TULP4: variants seen among roughly 807,000 people sequenced by gnomAD.
The protein encoded by TULP4 is TUB like protein 4.
Under a neutral mutation model 129.0 loss-of-function variants are expected in TULP4, and 16 were observed. That is an observed-to-expected ratio of 0.12 (90% CI 0.08 to 0.19). The LOEUF is 0.19. Ranked by LOEUF, TULP4 falls within the 10% of genes least tolerant of loss-of-function variation. TULP4 has a pLI of 1.00. For synonymous variants in TULP4, 998 were observed against 854.0 expected (o/e 1.17, Z -2.94); for missense variants, 1,842 against 2,059.1 (o/e 0.89, Z 2.04).
rs562882638 is a variant in TULP4, at chr6:158,503,031, A to G, written c.3368A>G (p.Gln1123Arg). ...ACCCTGAAACGGCCACCCCCTTACCAGTGGGACCCCATGCTGGGTGAGGAT... is the reference window on the plus strand; with the variant it reads ...ACCCTGAAACGGCCACCCCCTTACCGGTGGGACCCCATGCTGGGTGAGGAT... ...AVTLKRPPPYQWDPMLGEDVW... is the reference protein window; with the variant it reads ...AVTLKRPPPYRWDPMLGEDVW... The change falls in exon 13 of 14, where the codon CAG becomes CGG. Residue 1123 changes from glutamine to arginine, a missense_variant. By Grantham distance (43) the Gln-to-Arg change is conservative. Around this residue, in one of 5 missense-constraint regions of TULP4, gnomAD observed 1,089 missense variants for 987.1 expected, o/e 1.10. Coordinates refer to ENST00000367097, the MANE Select transcript of TULP4 (RefSeq NM_020245.5). This position sits in a 1 kb window ranked among gnomAD's most constrained non-coding sequence, Gnocchi z 4.3. 7.4e-6 allele frequency: 12 copies of G among 1,614,082 alleles called. No homozygotes were observed. In the South Asian group the frequency reaches 9.9e-5, roughly 13 times the overall value.
intron 1 of TULP4, among the ~76,000 whole-genome samples, chr6:158,253,685 TG>T (rs1778188246): frequency 6.6e-6 from 1 of 152,098 alleles, no homozygotes; most frequent in Non-Finnish European, 1.5e-5. Context: ...ACACTTTTTT[TG>T]ATTTTCTTAA....
intron 1 of TULP4, among the ~76,000 whole-genome samples, chr6:158,294,382 A>T (rs139749434): frequency 0.032 from 4,840 of 151,740 alleles, 98 homozygotes; most frequent in Non-Finnish European, 0.041. Context: ...AATAAAAAAA[A>T]AAATAAATAA....
At chr6:158,415,335 G>A (rs1481429407) in intron 2 of TULP4, among the ~76,000 whole-genome samples, 1 of 87,588 alleles carries the variant, frequency 1.1e-5, no homozygotes, top group African/African-American at 3.0e-5. Context: ...TATTATTTTA[G>A]ATAGAGTGTG....
intron 1 of TULP4, among the ~76,000 whole-genome samples, chr6:158,289,157 T>G (rs1408701251): frequency 1.3e-5 from 2 of 152,230 alleles, no homozygotes; most frequent in Non-Finnish European, 2.9e-5. Context: ...AAATTGTGTT[T>G]CTTAGGAATT....
intron 1 of TULP4, among the ~76,000 whole-genome samples, chr6:158,325,631 G>GTGAGCCA (rs1779729837): frequency 6.6e-6 from 1 of 152,118 alleles, no homozygotes. Flanking sequence ...GGGTTCAGGC[G>GTGAGCCA]TGAGCCACCG....
intron 1 of TULP4, among the ~76,000 whole-genome samples, chr6:158,240,759 C>G (rs1411191488): frequency 7.2e-6 from 1 of 139,594 alleles, no homozygotes; most frequent in African/African-American, 2.5e-5. Flanking sequence ...GACCCCCCCA[C>G]CTCCCTCCCG....
rs766437667 is a variant in TULP4 at position 158,502,589 on chromosome 6, C to A, written c.2926C>A (p.Gln976Lys). The A allele has an allele frequency of 5.6e-6, 9 of 1,602,276 alleles. 2 individuals carry two copies. The South Asian group carries it at 8.8e-5, about 16-fold the overall frequency. The change falls in exon 13 of 14, where the codon CAG (glutamine) becomes AAG (lysine). Residue 976 changes from glutamine to lysine, a missense_variant. By Grantham distance (53) the Gln-to-Lys change is moderately conservative (BLOSUM62 1). This residue lies in a region of TULP4 where 1,089 missense variants were observed against 987.1 expected (regional missense o/e 1.10). Transcript: ENST00000367097. ...GCTGGCCCAGGGGCGGGGGGCTGCCCAGAGGTCCGACAATAGCCTCATCCA... is the reference window on the plus strand; with the variant it reads ...GCTGGCCCAGGGGCGGGGGGCTGCCAAGAGGTCCGACAATAGCCTCATCCA... ...SQLAQGRGAAQRSDNSLIHAT... is the reference protein window; with the variant it reads ...SQLAQGRGAAKRSDNSLIHAT...
At chr6:158,262,734 G>A (rs1161839118) in intron 1 of TULP4, among the ~76,000 whole-genome samples, 1 of 152,180 alleles carries the variant, frequency 6.6e-6, no homozygotes, top group Admixed American at 6.5e-5. Context: ...AGTGGCAGGT[G>A]CAGAAGAAGA....
At chr6:158,258,392 A>G (rs904235852) in intron 1 of TULP4, among the ~76,000 whole-genome samples, 2 of 152,152 alleles carry the variant, frequency 1.3e-5, no homozygotes, top group African/African-American at 4.8e-5. Context: ...TGCCAGCCCC[A>G]TGTTTTTCAT....
intron 1 of TULP4, among the ~76,000 whole-genome samples, chr6:158,354,062 C>A (rs1269414947): frequency 6.6e-6 from 1 of 152,178 alleles, no homozygotes; most frequent in African/African-American, 2.4e-5. Context: ...CACCTGAAGG[C>A]CCATCAGGAT....
chr6:158,452,656 C>T (rs1406408752), intron 5 of TULP4, among the ~76,000 whole-genome samples: 9 of 152,192 alleles, frequency 5.9e-5, no homozygotes, highest in Non-Finnish European at 1.3e-4. Context: ...ACACAGAAGC[C>T]CCTGTAATTT....
chr6:158,265,089 G>A (rs1778424684), intron 1 of TULP4, among the ~76,000 whole-genome samples: 1 of 152,148 alleles, frequency 6.6e-6, no homozygotes, highest in Non-Finnish European at 1.5e-5. Flanking sequence ...TTCTTTACCA[G>A]CACTGTCACC....
intron 1 of TULP4, among the ~76,000 whole-genome samples, chr6:158,412,310 C>T (rs1288252353): frequency 4.6e-5 from 7 of 152,132 alleles, no homozygotes; most frequent in Admixed American, 1.3e-4. Flanking sequence ...TCATGGTGTC[C>T]GGGGACCATT....
intron 1 of TULP4, among the ~76,000 whole-genome samples, chr6:158,412,473 TATACTC>T (rs1247049852): frequency 6.6e-6 from 1 of 152,240 alleles, no homozygotes; most frequent in African/African-American, 2.4e-5. Flanking sequence ...ACAAAGTTCT[TATACTC>T]AGAAAATTTG....
upstream of TULP4, among the ~76,000 whole-genome samples, chr6:158,309,756 C>T (rs1026730588): frequency 6.6e-5 from 10 of 152,046 alleles, no homozygotes; most frequent in Non-Finnish European, 1.0e-4. Context: ...TCAGGCGTGG[C>T]GGCGCGCCTG....
chr6:158,447,841 A>C (rs1213176169), intron 3 of TULP4, among the ~76,000 whole-genome samples: 1 of 152,214 alleles, frequency 6.6e-6, no homozygotes, highest in African/African-American at 2.4e-5. Context: ...GTGTTTGTAA[A>C]TTGGAGATAA....
At chr6:158,382,532 A>G (rs367798064) in intron 1 of TULP4, among the ~76,000 whole-genome samples, 1 of 152,210 alleles carries the variant, frequency 6.6e-6, no homozygotes, top group Non-Finnish European at 1.5e-5. Flanking sequence ...TTTGGAGTCC[A>G]GCAGACTGGG....
chr6:158,347,004 T>C (rs1780328428), intron 1 of TULP4, among the ~76,000 whole-genome samples: 1 of 152,232 alleles, frequency 6.6e-6, no homozygotes, highest in African/African-American at 2.4e-5. Flanking sequence ...GAGGGTTTTT[T>C]CCCTGGCAAA....
At chr6:158,370,827 G>T (rs1777055028) in intron 1 of TULP4, among the ~76,000 whole-genome samples, 1 of 152,226 alleles carries the variant, frequency 6.6e-6, no homozygotes, top group Admixed American at 6.5e-5. Context: ...GGTGGAGTCA[G>T]ATAGTAGCTC....
Sources: gnomAD v4.1 joint callset for allele counts (sites outside exome capture counted in the v4.1 genomes callset) on GRCh38, gnomAD v4.1.1 for gene constraint, gnomAD v4.1.1 regional missense constraint, Gnocchi (gnomAD v3.1) non-coding constraint, MANE v1.5 for transcripts, NCBI Gene and HGNC (gene_info 2026-07-23, HGNC 2026-07-21) for gene names.